The following KLF12 variants were observed in gnomAD, a reference collection of about 807,000 sequenced individuals.
KLF12 encodes the protein Krueppel-like factor 12.
Under a neutral mutation model 37.8 loss-of-function variants are expected in KLF12, and 9 were observed. The observed-to-expected ratio is 0.24, with a 90% CI of 0.14 to 0.42. The LOEUF (loss-of-function observed/expected upper bound fraction) is 0.42. KLF12 is among the 10% of genes least tolerant of loss of function. The pLI, the probability that KLF12 is intolerant of heterozygous loss-of-function variation, is 1.00. For synonymous variants in KLF12, 208 were observed against 202.1 expected, an observed-to-expected ratio of 1.03 and a Z score of -0.25; for missense variants, 411 against 516.0, an observed-to-expected ratio of 0.80 and a Z score of 1.97.
At chr13:73,893,458 C>CACA (rs1267349043) in intron 3 of KLF12, among the ~76,000 whole-genome samples, 1 of 148,110 alleles carries the variant, frequency 6.8e-6, no homozygotes, top group Non-Finnish European at 1.5e-5. Context: ...CTCCACTTAC[C>CACA]ACAACCTCCG....
chr13:74,225,169 A>T, the KLF12 span, among the ~76,000 whole-genome samples: 5 of 152,158 alleles, frequency 3.3e-5, no homozygotes, highest in Non-Finnish European at 5.9e-5. Flanking sequence ...CTTCAGGAAG[A>T]ATTTGAGAGT....
At chr13:74,139,650 C>G in the KLF12 span, among the ~76,000 whole-genome samples, 1 of 151,966 alleles carries the variant, frequency 6.6e-6, no homozygotes, top group Admixed American at 6.6e-5. Flanking sequence ...TTATATTCCT[C>G]TTCATTTTTT....
intron 6 of KLF12, among the ~76,000 whole-genome samples, chr13:73,753,150 G>A (rs779734249): frequency 9.9e-5 from 15 of 151,892 alleles, no homozygotes; most frequent in Non-Finnish European, 1.9e-4. Flanking sequence ...AGTCATCCGC[G>A]GTCCCCGTCC....
At chr13:74,205,592 G>C in the KLF12 span, among the ~76,000 whole-genome samples, 1 of 152,104 alleles carries the variant, frequency 6.6e-6, no homozygotes, top group Non-Finnish European at 1.5e-5. Flanking sequence ...GTAAAGCTTT[G>C]GTAGCCACAT....
intron 3 of KLF12, among the ~76,000 whole-genome samples, chr13:73,855,631 G>A (rs1260858911): frequency 3.9e-5 from 6 of 152,130 alleles, no homozygotes; most frequent in African/African-American, 9.7e-5. Flanking sequence ...TTGCTGGGCC[G>A]AATGGTAGTC....
At chr13:74,109,878 T>C (rs1425902075) in intron 1 of KLF12, among the ~76,000 whole-genome samples, 1 of 152,130 alleles carries the variant, frequency 6.6e-6, no homozygotes, top group Non-Finnish European at 1.5e-5. Flanking sequence ...AAGCTTTTAA[T>C]AAACTGGCAG....
At chr13:73,911,507 A>T (rs1888568311) in intron 3 of KLF12, among the ~76,000 whole-genome samples, 1 of 152,204 alleles carries the variant, frequency 6.6e-6, no homozygotes, top group African/African-American at 2.4e-5. Context: ...CTGCCCATGT[A>T]CTCTGTAGAT....
chr13:73,890,277 A>C (rs1437923599), intron 3 of KLF12, among the ~76,000 whole-genome samples: 1 of 152,118 alleles, frequency 6.6e-6, no homozygotes, highest in Non-Finnish European at 1.5e-5. Flanking sequence ...ATTACCAAAA[A>C]TACCTCTTTC....
the KLF12 span, among the ~76,000 whole-genome samples, chr13:74,242,996 T>G: frequency 6.6e-6 from 1 of 152,188 alleles, no homozygotes. Flanking sequence ...ACGTGCAGGA[T>G]TGTTACATAG....
At chr13:74,204,310 A>C in the KLF12 span, among the ~76,000 whole-genome samples, 1 of 152,132 alleles carries the variant, frequency 6.6e-6, no homozygotes, top group South Asian at 2.1e-4. Context: ...AATTTGTATA[A>C]ATGTAAGGGT....
chr13:74,100,504 G>A (rs1876269272), intron 1 of KLF12, among the ~76,000 whole-genome samples: 1 of 152,092 alleles, frequency 6.6e-6, no homozygotes, highest in African/African-American at 2.4e-5. Flanking sequence ...TGTAATCCCA[G>A]CTACTTGGGA....
At chr13:74,002,112 T>C (rs77961675) in intron 1 of KLF12, among the ~76,000 whole-genome samples, 2,336 of 152,330 alleles carry the variant, frequency 0.015, 45 homozygotes, top group East Asian at 0.063. Flanking sequence ...GCCGAGTGCC[T>C]TACTGAACAA....
At chr13:73,832,458 C>G (rs557845721) in intron 4 of KLF12, among the ~76,000 whole-genome samples, 1 of 152,274 alleles carries the variant, frequency 6.6e-6, no homozygotes, top group African/African-American at 2.4e-5. Context: ...ACAGCATTCA[C>G]GTCTGACAAA....
chr13:73,874,047 C>T (rs948255166), intron 3 of KLF12, among the ~76,000 whole-genome samples: 5 of 152,138 alleles, frequency 3.3e-5, no homozygotes, highest in Non-Finnish European at 5.9e-5. Context: ...AAGGCAAGGT[C>T]GAGGACTGTT....
chr13:73,819,983 CAG>C (rs1355674225), intron 4 of KLF12, among the ~76,000 whole-genome samples: 1 of 152,054 alleles, frequency 6.6e-6, no homozygotes, highest in Non-Finnish European at 1.5e-5. Context: ...TGGATGAGGA[CAG>C]AGAGAGGAGG....
At chr13:73,864,538 T>C (rs2138827202) in intron 3 of KLF12, among the ~76,000 whole-genome samples, 1 of 152,218 alleles carries the variant, frequency 6.6e-6, no homozygotes, top group South Asian at 2.1e-4. Context: ...AAAAATCTGA[T>C]GCATATTTAT....
At chr13:74,205,693 T>C in the KLF12 span, among the ~76,000 whole-genome samples, 1 of 152,066 alleles carries the variant, frequency 6.6e-6, no homozygotes, top group Non-Finnish European at 1.5e-5. Flanking sequence ...CTTTATATTA[T>C]TTAAAAGAAA....
the KLF12 span, among the ~76,000 whole-genome samples, chr13:74,301,064 C>T: frequency 6.6e-6 from 1 of 152,166 alleles, no homozygotes; most frequent in Non-Finnish European, 1.5e-5. Context: ...AGTGCCTTAG[C>T]TTCTTAAGCC....
intron 7 of KLF12, among the ~76,000 whole-genome samples, chr13:73,699,830 T>A (rs1331179275): frequency 6.6e-6 from 1 of 152,054 alleles, no homozygotes; most frequent in African/African-American, 2.4e-5. Flanking sequence ...TCTGAGCCCA[T>A]AAATGTAGAG....
Sources: gnomAD v4.1 joint callset for allele counts (sites outside exome capture counted in the v4.1 genomes callset) on GRCh38, gnomAD v4.1.1 for gene constraint, MANE v1.5 for transcripts, NCBI Gene and HGNC (gene_info 2026-07-23, HGNC 2026-07-21) for gene names.